The following RANBP17 variants were observed in gnomAD, a reference collection of about 807,000 sequenced individuals.
RANBP17 encodes RAN binding protein 17.
Under a neutral mutation model 141.2 loss-of-function variants are expected in RANBP17, and 158 were observed. The ratio of observed to expected loss-of-function variants is 1.12; its 90% CI spans 0.98 to 1.28. RANBP17 has a LOEUF of 1.28. RANBP17 is among the 50% of genes most tolerant of loss of function. The pLI is 0.00. For missense variants in RANBP17, 1,438 were observed against 1,290.7 expected (o/e 1.11, Z -1.75); for synonymous variants, 430 against 450.0 (o/e 0.96, Z 0.56).
At chr5:170,921,587 A>G (rs1772470220) in intron 11 of RANBP17, among the ~76,000 whole-genome samples, 1 of 152,140 alleles carries the variant, frequency 6.6e-6, no homozygotes, top group African/African-American at 2.4e-5. Flanking sequence ...TTTTGGTTCC[A>G]TATGAACTTT....
chr5:171,139,206 C>T (rs1056603594), intron 14 of RANBP17, among the ~76,000 whole-genome samples: 2 of 152,124 alleles, frequency 1.3e-5, no homozygotes, highest in African/African-American at 2.4e-5. Context: ...TAGCCCCACC[C>T]GCTTTTCGGG....
At chr5:171,276,265 CTT>C (rs1447270599) in intron 25 of RANBP17, among the ~76,000 whole-genome samples, 1 of 152,132 alleles carries the variant, frequency 6.6e-6, no homozygotes, top group Non-Finnish European at 1.5e-5. Context: ...ATCTCTTTCT[CTT>C]TTAAATTAGC....
rs140589540 is a variant in RANBP17, at chr5:171,249,423, T to C, written c.2776+6603T>C. Among the ~76,000 whole-genome samples, 118 of 152,252 alleles carry C rather than the reference T, an allele frequency of 7.8e-4. 1 individual carries two copies. In the East Asian group the frequency reaches 0.019, roughly 25 times the overall value. On this transcript the variant is annotated intron_variant, in intron 24 of 27. Transcript: ENST00000523189. ...AACACAGTAATTCTCCAGCAATAGATCTTACTCAAAAAGAAATTTTCAAAA... is the reference window on the plus strand; with the variant it reads ...AACACAGTAATTCTCCAGCAATAGACCTTACTCAAAAAGAAATTTTCAAAA...
At chr5:171,271,498 ACACTTAAG>A in intron 25 of RANBP17, 1 of 210,348 alleles carries the variant, frequency 4.8e-6, no homozygotes, top group Non-Finnish European at 9.7e-6. Flanking sequence ...ACAGTCAAAA[ACACTTAAG>A]CAGATGAAAT....
intron 14 of RANBP17, among the ~76,000 whole-genome samples, chr5:171,015,901 A>C (rs1288679007): frequency 6.6e-6 from 1 of 152,122 alleles, no homozygotes; most frequent in Non-Finnish European, 1.5e-5. Flanking sequence ...CCTAGATACT[A>C]TTCTGTCTAA....
rs530982714 is a variant in RANBP17, at chr5:171,112,984, C to G, written c.1711-57146C>G. Among the ~76,000 whole-genome samples, 4 of 152,248 alleles carry G rather than the reference C, an allele frequency of 2.6e-5. 1 individual carries two copies. The highest frequency in any genetic ancestry group is 4.8e-5 in the African/African-American group (2 of 41,544). ...CAGAGTCTTGGCTTCCCCTTTAAAA[C>G]TTGGGGATAAAAATCCCTACTTCAG... On this transcript the variant is annotated intron_variant, in intron 14 of 27. Transcript: ENST00000523189.
At chr5:170,948,649 A>G (rs1182005946) in intron 12 of RANBP17, among the ~76,000 whole-genome samples, 2 of 152,190 alleles carry the variant, frequency 1.3e-5, no homozygotes, top group African/African-American at 2.4e-5. Flanking sequence ...TTGATCTCCA[A>G]ATCCGGTGCA....
chr5:170,877,335 G>T (rs1561847199), intron 1 of RANBP17, among the ~76,000 whole-genome samples: 2 of 152,006 alleles, frequency 1.3e-5, no homozygotes, highest in African/African-American at 4.8e-5. Context: ...ATAGTATCAA[G>T]GCTCACTGCA....
At chr5:171,118,665 A>G (rs1755812240) in intron 14 of RANBP17, among the ~76,000 whole-genome samples, 2 of 152,142 alleles carry the variant, frequency 1.3e-5, no homozygotes, top group Admixed American at 1.3e-4. Context: ...GTAAATTTGC[A>G]TTGTAAATAT....
At chr5:171,165,534 A>C (rs1006593642) in intron 14 of RANBP17, among the ~76,000 whole-genome samples, 4 of 152,190 alleles carry the variant, frequency 2.6e-5, no homozygotes, top group Non-Finnish European at 5.9e-5. Context: ...CAAGATTCAG[A>C]GACCTTAAGA....
At chr5:171,283,022 G>A (rs535919152) in intron 25 of RANBP17, among the ~76,000 whole-genome samples, 2 of 151,938 alleles carry the variant, frequency 1.3e-5, no homozygotes, top group East Asian at 1.9e-4. Flanking sequence ...CATTCCCCCA[G>A]ACTCCTCTCC....
At chr5:170,893,564 C>T (rs1031448843) in intron 4 of RANBP17, among the ~76,000 whole-genome samples, 1 of 152,036 alleles carries the variant, frequency 6.6e-6, no homozygotes, top group Non-Finnish European at 1.5e-5. Flanking sequence ...GAGGCCAAGG[C>T]GTGCGGATCA....
chr5:170,967,125 T>C (rs1045775414), intron 13 of RANBP17, among the ~76,000 whole-genome samples: 4 of 152,140 alleles, frequency 2.6e-5, no homozygotes, highest in African/African-American at 7.2e-5. Flanking sequence ...GGAACCTCCT[T>C]ATGTCTGATG....
intron 14 of RANBP17, among the ~76,000 whole-genome samples, chr5:171,075,010 C>T (rs1344516242): frequency 1.3e-5 from 2 of 152,076 alleles, no homozygotes; most frequent in African/African-American, 2.4e-5. Context: ...GGGGGTTAAC[C>T]CATTTATGCC....
chr5:170,902,317 G>A (rs189041702), intron 5 of RANBP17, among the ~76,000 whole-genome samples: 83 of 152,044 alleles, frequency 5.5e-4, no homozygotes, highest in Non-Finnish European at 7.9e-4. Flanking sequence ...TGATTTGGCC[G>A]TTGATGTTTG....
intron 14 of RANBP17, among the ~76,000 whole-genome samples, chr5:171,060,516 C>A (rs1783746282): frequency 6.6e-6 from 1 of 152,080 alleles, no homozygotes; most frequent in Non-Finnish European, 1.5e-5. Context: ...ATGAAGCCCA[C>A]TTGATCATGG....
chr5:171,134,798 T>C (rs1342491657), intron 14 of RANBP17, among the ~76,000 whole-genome samples: 2 of 151,978 alleles, frequency 1.3e-5, no homozygotes, highest in African/African-American at 2.4e-5. Context: ...GGCTCACGCC[T>C]GTAGTCCCGG....
intron 1 of RANBP17, among the ~76,000 whole-genome samples, chr5:170,871,194 G>A (rs914294322): frequency 2.6e-5 from 4 of 151,880 alleles, no homozygotes; most frequent in African/African-American, 7.3e-5. Context: ...GATTACAGGC[G>A]CCTGCCACCA....
At chr5:170,917,556 T>TA (rs1251553950) in intron 9 of RANBP17, among the ~76,000 whole-genome samples, 2 of 151,344 alleles carry the variant, frequency 1.3e-5, no homozygotes, top group Admixed American at 6.6e-5. Context: ...GGGGGTGACA[T>TA]ATATCTTCAG....
Sources: gnomAD v4.1 joint callset for allele counts (sites outside exome capture counted in the v4.1 genomes callset) on GRCh38, gnomAD v4.1.1 for gene constraint, MANE v1.5 for transcripts, NCBI Gene and HGNC (gene_info 2026-07-23, HGNC 2026-07-21) for gene names.